The following BEAN1 variants were observed in gnomAD, a reference collection of about 807,000 sequenced individuals.
BEAN1 encodes the protein protein BEAN1.
Under a neutral mutation model 17.7 loss-of-function variants are expected in BEAN1, and 17 were observed. That is an observed-to-expected ratio of 0.96 (90% CI 0.66 to 1.44). BEAN1 has a LOEUF of 1.44. Among genes scored for constraint, BEAN1 ranks in the 40% most tolerant of loss-of-function variants. The probability of loss-of-function intolerance (pLI) is 0.00; values close to 1 mark genes in which losing one functional copy is unlikely to be tolerated. For synonymous variants in BEAN1, 142 were observed against 151.8 expected (o/e 0.94, Z 0.47); for missense variants, 359 against 374.1 (o/e 0.96, Z 0.33).
downstream of BEAN1, among the ~76,000 whole-genome samples, chr16:66,486,364 G>T (rs556629766): frequency 1.3e-5 from 2 of 152,230 alleles, no homozygotes; most frequent in South Asian, 2.1e-4. Context: ...GAGTAGCTGG[G>T]ATTACGGGCA....
At chr16:66,477,884 A>C in intron 4 of BEAN1, 174 bp downstream of exon 4, 1 of 640,582 alleles carries the variant, frequency 1.6e-6, no homozygotes, top group Non-Finnish European at 2.4e-6. Flanking sequence ...GGTCCCACTG[A>C]GGCAGTGTGA....
intron 1 of BEAN1, among the ~76,000 whole-genome samples, chr16:66,431,337 G>A (rs1180775173): frequency 1.3e-5 from 2 of 152,144 alleles, no homozygotes; most frequent in Admixed American, 1.3e-4. Context: ...AACGATCACT[G>A]ACTTATTCAC....
chr16:66,431,921 C>T (rs1329688145), intron 1 of BEAN1, among the ~76,000 whole-genome samples: 1 of 152,060 alleles, frequency 6.6e-6, no homozygotes, highest in Non-Finnish European at 1.5e-5. Flanking sequence ...ATTCTCCTGC[C>T]TCAGTCTCCC....
At chr16:66,465,318 C>T (rs979176262) in intron 2 of BEAN1, among the ~76,000 whole-genome samples, 2 of 152,048 alleles carry the variant, frequency 1.3e-5, no homozygotes, top group African/African-American at 2.4e-5. Flanking sequence ...GATTTTTGCA[C>T]CTATATTCCT....
intron 4 of BEAN1, among the ~76,000 whole-genome samples, chr16:66,492,608 T>C (rs547903468): frequency 1.3e-5 from 2 of 150,548 alleles, no homozygotes; most frequent in Admixed American, 6.6e-5. Context: ...CCCGGCTAAT[T>C]TTTTTGTATT....
intron 3 of BEAN1, 146 bp downstream of exon 3, chr16:66,470,011 T>C: frequency 9.0e-7 from 1 of 1,113,436 alleles, no homozygotes; most frequent in Admixed American, 2.9e-5. Context: ...CAGGAAGAGC[T>C]CACAGGCGCC....
chr16:66,436,649 C>T (rs1962037029), intron 1 of BEAN1, among the ~76,000 whole-genome samples: 1 of 151,554 alleles, frequency 6.6e-6, no homozygotes, highest in African/African-American at 2.4e-5. Flanking sequence ...GAACATGGCC[C>T]ACTGCAGCCT....
downstream of BEAN1, among the ~76,000 whole-genome samples, chr16:66,486,858 G>A (rs1022835642): frequency 2.0e-5 from 3 of 152,202 alleles, no homozygotes; most frequent in Non-Finnish European, 4.4e-5. Flanking sequence ...GTGAGTCAGG[G>A]CAGGTGCTGG....
At chr16:66,480,549 C>A in intron 4 of BEAN1, 37 bp from the exon 5 acceptor site, 1 of 1,457,490 alleles carries the variant, frequency 6.9e-7, no homozygotes, top group Non-Finnish European at 9.3e-7. Context: ...AGCCCTAAGG[C>A]CTAGGTGGGG....
At chr16:66,464,402 C>T (rs1370480793) in intron 2 of BEAN1, among the ~76,000 whole-genome samples, 4 of 151,786 alleles carry the variant, frequency 2.6e-5, no homozygotes, top group Non-Finnish European at 5.9e-5. Flanking sequence ...AGTGCAGTGG[C>T]GCATCTCGGC....
At chr16:66,484,665 G>C (rs956015177), downstream of BEAN1, 3 of 453,994 alleles carry the variant, frequency 6.6e-6, no homozygotes, top group Non-Finnish European at 1.3e-5. The surrounding 1 kb of genome is among the most constrained non-coding windows in gnomAD (Gnocchi z 4.2). Context: ...GTTCCCAGGA[G>C]TACCAGATGG....
chr16:66,469,960 A>T (rs1434217100), intron 3 of BEAN1, 95 bp downstream of exon 3: 1 of 1,447,066 alleles, frequency 6.9e-7, no homozygotes, highest in Non-Finnish European at 9.2e-7. Context: ...CCCTGGGTGG[A>T]GCAGGGTGGT....
downstream of BEAN1, among the ~76,000 whole-genome samples, chr16:66,493,956 C>T (rs16956585): frequency 0.067 from 10,195 of 152,202 alleles, 475 homozygotes; most frequent in South Asian, 0.18. Flanking sequence ...CTGGTGATGA[C>T]GGCAGCCCAG....
chr16:66,432,384 G>A (rs2142370278), intron 1 of BEAN1, among the ~76,000 whole-genome samples: 1 of 152,330 alleles, frequency 6.6e-6, no homozygotes, highest in East Asian at 1.9e-4. Flanking sequence ...TGCTGCCTGA[G>A]GACCCCCAAC....
In BEAN1 at chr16:66,481,508, AC is replaced by A; in HGVS notation, c.*586del. ...AGGGCAGATGAGCCACAACATCACCACCCTGCCACTTACAAGGTGGGGGACC... is the reference window on the plus strand; with the variant it reads ...AGGGCAGATGAGCCACAACATCACCACCTGCCACTTACAAGGTGGGGGACC... On this transcript the variant is annotated 3_prime_UTR_variant, in exon 5 of 5. Transcript: ENST00000536005. This position sits in a 1 kb window ranked among gnomAD's most constrained non-coding sequence, Gnocchi z 4.1. The A allele has an allele frequency of 2.9e-6, 1 of 350,148 alleles. No individual in the cohort carries two copies. The highest frequency in any genetic ancestry group is 5.1e-6 in the Non-Finnish European group (1 of 195,742). 21.7% of individuals were successfully genotyped at this position (350,148 alleles called of 1,614,324 possible). A position where few individuals can be genotyped will look rare whatever the true frequency, so the allele number is the denominator to read the frequency against.
In BEAN1 at chr16:66,481,344, A is replaced by C; in HGVS notation, c.*419A>C. 2.5e-6 allele frequency: 1 copy of C among 398,970 alleles called. No homozygotes were observed. The highest frequency in any genetic ancestry group is 4.4e-6 in the Non-Finnish European group (1 of 226,572). The allele number at this position is 398,970 out of a possible 1,614,324, so 24.7% of individuals were successfully genotyped here. A position where few individuals can be genotyped will look rare whatever the true frequency, so the allele number is the denominator to read the frequency against. On this transcript the variant is annotated 3_prime_UTR_variant, in exon 5 of 5. Coordinates refer to ENST00000536005, the MANE Select transcript of BEAN1 (RefSeq NM_001178020.3). This position sits in a 1 kb window ranked among gnomAD's most constrained non-coding sequence, Gnocchi z 4.1. ...GCCCAGCAAGCTGCGCCCAAATTCT[A>C]TTCTGCCTCTGGAAACTGCTGGACC... is the stretch of plus-strand genomic sequence containing the variant.
intron 2 of BEAN1, among the ~76,000 whole-genome samples, chr16:66,469,125 A>C (rs1963368807): frequency 6.6e-6 from 1 of 152,200 alleles, no homozygotes; most frequent in Non-Finnish European, 1.5e-5. Context: ...ATTTCAGCCC[A>C]CAGCCCCAGG....
intron 3 of BEAN1, chr16:66,470,093 GTCA>G: frequency 1.6e-6 from 1 of 640,806 alleles, no homozygotes; most frequent in Non-Finnish European, 2.7e-6. Context: ...GAGGCTGAAG[GTCA>G]GAGGGAGAGT....
chr16:66,438,379 G>A (rs1962116043), intron 2 of BEAN1, among the ~76,000 whole-genome samples: 1 of 152,068 alleles, frequency 6.6e-6, no homozygotes, highest in Non-Finnish European at 1.5e-5. Flanking sequence ...GCGAAACTCT[G>A]TCTCAGAAAA....
Sources: gnomAD v4.1 joint callset for allele counts (sites outside exome capture counted in the v4.1 genomes callset) on GRCh38, gnomAD v4.1.1 for gene constraint, Gnocchi (gnomAD v3.1) non-coding constraint, MANE v1.5 for transcripts, NCBI Gene and HGNC (gene_info 2026-07-23, HGNC 2026-07-21) for gene names.